The following HARS2 variants were observed in gnomAD, a reference collection of about 807,000 sequenced individuals.
The protein encoded by HARS2 is histidine--tRNA ligase, mitochondrial.
A neutral mutation model predicts 62.4 loss-of-function variants in HARS2; 40 were observed. The observed-to-expected ratio is 0.64, with a 90% confidence interval of 0.50 to 0.83. The LOEUF is 0.83. Ranked by LOEUF, HARS2 falls within the 40% of genes least tolerant of loss-of-function variation. HARS2 has a pLI of 0.00. For synonymous variants in HARS2, 228 were observed against 227.0 expected (o/e 1.00, Z -0.04); for missense variants, 569 against 626.4 (o/e 0.91, Z 0.98).
chr5:140,693,886 G>A, intron 2 of HARS2, 49 bp from the exon 3 acceptor site: 1 of 1,609,932 alleles, frequency 6.2e-7, no homozygotes, highest in Non-Finnish European at 8.5e-7. Flanking sequence ...TGTCTGAAAT[G>A]GACTTATTTT....
At position 140,695,853 on chromosome 5, in the gene HARS2, C is replaced by T. The variant is rs1398029475; in HGVS notation, c.633+8C>T. ...GGAGACTTTCTCATTAAGGTGAGGC[C>T]AGGGCTGAGAACTGTGGGAGAAGTC... is the stretch of plus-strand genomic sequence containing the variant. On this transcript the variant is annotated splice_region_variant and intron_variant, in intron 6 of 12. Transcript: ENST00000230771. The T allele has an allele frequency of 6.3e-7, 1 of 1,577,244 alleles. No individual in the cohort carries two copies. The highest frequency in any genetic ancestry group is 1.7e-5 in the Admixed American group (1 of 59,944).
chr5:140,693,571 C>T lies in HARS2; in HGVS notation c.109-20C>T, dbSNP rs765112827. 3 of 1,613,856 alleles carry T rather than the reference C, an allele frequency of 1.9e-6. No homozygotes were observed. Among genetic ancestry groups the T allele is most frequent in the Non-Finnish European group, 2.5e-6 (3 of 1,179,892 alleles). On this transcript the variant is annotated intron_variant, in intron 1 of 12. Coordinates refer to ENST00000230771, the MANE Select transcript of HARS2 (RefSeq NM_012208.4). ...GCCAGTGTCCAGAGAAGCCACATCT[C>T]ACATTCATTCTTCTGCCAGGTTGCA...
intron 1 of HARS2, chr5:140,692,367 G>C (rs1317104871): frequency 6.4e-6 from 1 of 156,186 alleles, no homozygotes; most frequent in Non-Finnish European, 1.4e-5. Context: ...ACTTCGGAAA[G>C]ATTCTAATGC....
chr5:140,691,481 G>A lies in HARS2; in HGVS notation c.-168G>A, dbSNP rs890910732. ...CCGAAGCTGGCTACTAAGGGAACTTGGGAGGATCCCACCTCAGCCTTCGTG... is the reference window on the plus strand; with the variant it reads ...CCGAAGCTGGCTACTAAGGGAACTTAGGAGGATCCCACCTCAGCCTTCGTG... On this transcript the variant is annotated 5_prime_UTR_variant, in exon 1 of 13. Coordinates refer to ENST00000230771, the MANE Select transcript of HARS2 (RefSeq NM_012208.4). 1.4e-6 allele frequency: 1 copy of A among 713,456 alleles called. No individual in the cohort carries two copies. Among genetic ancestry groups the A allele is most frequent in the African/African-American group, 1.8e-5 (1 of 57,000 alleles). 44.2% of individuals were successfully genotyped at this position (713,456 alleles called of 1,614,324 possible). A position where few individuals can be genotyped will look rare whatever the true frequency, so the allele number is the denominator to read the frequency against.
chr5:140,691,609 CT>C lies in HARS2; in HGVS notation c.-36del. The C allele has an allele frequency of 1.5e-6, 2 of 1,352,398 alleles. No individual in the cohort carries two copies. Among genetic ancestry groups the C allele is most frequent in the Non-Finnish European group, 1.0e-6 (1 of 967,124 alleles). The allele number at this position is 1,352,398 out of a possible 1,614,324, so 83.8% of individuals were successfully genotyped here. ...TGTCTGACCCGCCTCCTTCCCAGGC[CT>C]TTTGTTCCTGTCCCGGAAAGCCGGC... On this transcript the variant is annotated 5_prime_UTR_variant, in exon 1 of 13. Transcript: ENST00000230771.
intron 1 of HARS2, among the ~76,000 whole-genome samples, chr5:140,692,663 G>T (rs547823190): frequency 2.6e-5 from 4 of 151,892 alleles, no homozygotes; most frequent in East Asian, 1.9e-4. Context: ...GAGGCCAAGG[G>T]GGGTGGATCA....
chr5:140,696,811 T>G, intron 8 of HARS2, 132 bp from the exon 9 acceptor site: 1 of 1,059,362 alleles, frequency 9.4e-7, no homozygotes, highest in Non-Finnish European at 1.4e-6. Flanking sequence ...GAGGGTCTTG[T>G]CATGTGAGAC....
chr5:140,691,996 A>G (rs1472972935), intron 1 of HARS2: 1 of 583,080 alleles, frequency 1.7e-6, no homozygotes, highest in Admixed American at 3.0e-5. Context: ...GATTAAATGA[A>G]TGACTTATAC....
At chr5:140,696,495 G>A (rs778063008) in intron 7 of HARS2, 26 bp from the exon 8 acceptor site, 14 of 1,530,198 alleles carry the variant, frequency 9.1e-6, no homozygotes, top group Non-Finnish European at 1.2e-5. Context: ...TCTTGGGGCT[G>A]GGCTAATGTT....
chr5:140,696,704 G>C (rs1759757134), intron 8 of HARS2, 90 bp downstream of exon 8: 4 of 985,014 alleles, frequency 4.1e-6, no homozygotes, highest in Non-Finnish European at 6.6e-6. Flanking sequence ...CTTTTCTGTA[G>C]ATATGCTAAG....
intron 1 of HARS2, 78 bp from the exon 2 acceptor site, chr5:140,693,510 TTGG>T (rs1300125662): frequency 6.2e-7 from 1 of 1,611,518 alleles, no homozygotes; most frequent in South Asian, 1.1e-5. Context: ...TCTTTGCAGG[TTGG>T]TGGTCAACAG....
intron 12 of HARS2, 115 bp downstream of exon 12, chr5:140,698,193 A>G: frequency 9.6e-7 from 1 of 1,042,836 alleles, no homozygotes; most frequent in Non-Finnish European, 1.4e-6. Flanking sequence ...AGTGGTAGAG[A>G]TGAACAAACA....
rs1467420558 is a variant in HARS2, at chr5:140,696,556, G to A, written c.768G>A (p.Val256=). 1 of 1,613,908 alleles carries A rather than the reference G, an allele frequency of 6.2e-7. No individual in the cohort carries two copies. Among genetic ancestry groups the A allele is most frequent in the Admixed American group, 1.7e-5 (1 of 60,024 alleles). ...AAGATGTGAGACATGAGATGGTGGT[G>A]AAGAAAGGCCTGGCTCCTGAGGTGG... is the stretch of plus-strand genomic sequence containing the variant. The part of the protein sequence containing the change: ...AWKDVRHEMV[V]KKGLAPEVAD... The change falls in exon 8 of 13, where the codon GTG becomes GTA. Residue 256 remains valine, a synonymous_variant. Transcript: ENST00000230771.
chr5:140,693,709 G>A (rs1433886509), intron 2 of HARS2, 44 bp downstream of exon 2: 2 of 1,467,198 alleles, frequency 1.4e-6, no homozygotes, highest in Non-Finnish European at 9.6e-7. Flanking sequence ...TGCCTTGGAG[G>A]ACTGACCTCT....
Position 140,691,560 on chromosome 5 carries a change from T to C in HARS2, c.-89T>C, listed in dbSNP as rs1292282768. On this transcript the variant is annotated 5_prime_UTR_variant, in exon 1 of 13. Coordinates refer to ENST00000230771, the MANE Select transcript of HARS2 (RefSeq NM_012208.4). ...TTCCCTGGTGCGCGGGTTCCGCCTT[T>C]GCAGTGCCCTCCACCCTTCCTGGTG... 6.7e-6 allele frequency: 6 copies of C among 899,052 alleles called. No homozygotes were observed. The highest frequency in any genetic ancestry group is 1.1e-5 in the Non-Finnish European group (6 of 559,294). The allele number at this position is 899,052 out of a possible 1,614,324, so 55.7% of individuals were successfully genotyped here. A position where few individuals can be genotyped will look rare whatever the true frequency, so the allele number is the denominator to read the frequency against.
intron 1 of HARS2, chr5:140,693,360 T>C (rs1759612498): frequency 3.9e-6 from 3 of 769,692 alleles, no homozygotes; most frequent in Non-Finnish European, 6.3e-6. Context: ...CCATATACAG[T>C]GAGGAAGCTT....
rs375264978 is a variant in HARS2, at chr5:140,697,265, C to T, written c.1056C>T (p.Pro352=). The part of the protein sequence containing the change: ...LQTPTQAGEE[P]LNVGSVAAGG... The stretch of plus-strand genomic sequence containing the variant: ...CCCCAACTCAGGCTGGGGAGGAGCC[C>T]CTGAATGTGGGCAGTGTGGCTGCTG... Residue 352 remains proline (P), a synonymous_variant, in exon 10 of 13, where the codon CCC becomes CCT. Coordinates refer to ENST00000230771, the MANE Select transcript of HARS2 (RefSeq NM_012208.4). 2 of 1,614,102 alleles carry T rather than the reference C, an allele frequency of 1.2e-6. No individual in the cohort carries two copies. The highest frequency in any genetic ancestry group is 1.7e-6 in the Non-Finnish European group (2 of 1,180,030).
chr5:140,695,831 G>T lies in HARS2; in HGVS notation c.619G>T (p.Asp207Tyr), dbSNP rs761342761. 1 of 1,607,928 alleles carries T rather than the reference G, an allele frequency of 6.2e-7. No homozygotes were observed. The highest frequency in any genetic ancestry group is 2.2e-5 in the East Asian group (1 of 44,852). ...CEILSGLQLG[D>Y]FLIKVNDRRI... The stretch of plus-strand genomic sequence containing the variant: ...AATCCTAAGTGGATTGCAGTTGGGA[G>T]ACTTTCTCATTAAGGTGAGGCCAGG... The change falls in exon 6 of 13, where the codon GAC becomes TAC. Residue 207 changes from aspartate (D) to tyrosine (Y), a missense_variant. Physicochemically the swap from Asp to Tyr is radical, Grantham distance 160 (BLOSUM62 -3). Coordinates refer to ENST00000230771, the MANE Select transcript of HARS2 (RefSeq NM_012208.4).
At chr5:140,697,091 A>T (rs1759774627) in intron 9 of HARS2, 21 bp downstream of exon 9, 3 of 1,614,096 alleles carry the variant, frequency 1.9e-6, no homozygotes, top group African/African-American at 1.3e-5. Flanking sequence ...TTGCAAATGG[A>T]CCTCCTGCTG....
Sources: gnomAD v4.1 joint callset for allele counts (sites outside exome capture counted in the v4.1 genomes callset) on GRCh38, gnomAD v4.1.1 for gene constraint, MANE v1.5 for transcripts, NCBI Gene and HGNC (gene_info 2026-07-23, HGNC 2026-07-21) for gene names.